The following NPAS3 variants were observed in gnomAD, a reference collection of about 807,000 sequenced individuals.
NPAS3 encodes neuronal PAS domain-containing protein 3.
In NPAS3, 14 loss-of-function variants were observed where a neutral mutation model predicts 73.1. That is an observed-to-expected ratio of 0.19 (90% CI 0.13 to 0.30). NPAS3 has a LOEUF of 0.30. Among genes scored for constraint, NPAS3 ranks in the 10% least tolerant of loss-of-function variants. The probability of loss-of-function intolerance (pLI) is 1.00; values close to 1 mark genes in which losing one functional copy is unlikely to be tolerated. For missense variants in NPAS3, 1,096 were observed against 1,250.0 expected, an observed-to-expected ratio of 0.88 and a Z score of 1.86; for synonymous variants, 620 against 541.5, an observed-to-expected ratio of 1.14 and a Z score of -2.01.
chr14:33,105,318 A>G (rs2042691848), intron 2 of NPAS3, among the ~76,000 whole-genome samples: 1 of 152,152 alleles, frequency 6.6e-6, no homozygotes, highest in Non-Finnish European at 1.5e-5. Context: ...TGACCTATTC[A>G]CTCCATTTTA....
At position 33,278,013 on chromosome 14, in the gene NPAS3, G is replaced by A. The variant is rs113815504; in HGVS notation, c.385+62587G>A. On this transcript the variant is annotated intron_variant, in intron 3 of 11. Transcript: ENST00000356141. ...AGAGAGAAGGGTGGCGTACACTAAG[G>A]TATGGTGAAGGGGGCGAGAAGGAAT... 4.9e-3 allele frequency among the ~76,000 whole-genome samples: 743 copies of A among 152,198 alleles called. 4 individuals carry two copies. Among genetic ancestry groups the A allele is most frequent in the African/African-American group, 0.017 (726 of 41,506 alleles).
Position 33,800,148 on chromosome 14 carries a change from G to A in NPAS3, c.1841G>A (p.Arg614His), listed in dbSNP as rs745539855. Residue 614 changes from arginine (R) to histidine (H), a missense_variant, in exon 12 of 12, where the codon CGC (arginine) becomes CAC (histidine). Around this residue, in one of 5 missense-constraint regions of NPAS3, gnomAD observed 698 missense variants for 676.7 expected, o/e 1.03. Coordinates refer to ENST00000356141, the Ensembl canonical transcript of NPAS3. The surrounding 1 kb of genome is among the most constrained non-coding windows in gnomAD (Gnocchi z 6.5). ...CGGCAAAAGGGCGGCAGCGCCAGCC[G>A]CCGGCGCCTGTCCAGCGCGTCGAGC... The A allele has an allele frequency of 8.8e-6, 14 of 1,594,492 alleles. No individual in the cohort carries two copies. Among genetic ancestry groups the A allele is most frequent in the South Asian group, 2.2e-5 (2 of 89,562 alleles).
At chr14:33,750,216 T>C (rs1379320992) in intron 7 of NPAS3, among the ~76,000 whole-genome samples, 6 of 120,824 alleles carry the variant, frequency 5.0e-5, no homozygotes, top group Non-Finnish European at 1.0e-4. Flanking sequence ...CAGCTATTCC[T>C]TTTTTTTTTT....
intron 2 of NPAS3, among the ~76,000 whole-genome samples, chr14:33,142,498 G>A (rs1359526834): frequency 6.6e-6 from 1 of 151,748 alleles, no homozygotes; most frequent in East Asian, 1.9e-4. Context: ...ATATGTCAGT[G>A]TTTGTATTCA....
At chr14:33,229,694 C>A (rs748238818) in intron 3 of NPAS3, among the ~76,000 whole-genome samples, 1 of 152,062 alleles carries the variant, frequency 6.6e-6, no homozygotes, top group Non-Finnish European at 1.5e-5. Context: ...TGGCTTTCTG[C>A]AAGCAATATT....
chr14:33,464,970 T>A (rs12879171), intron 4 of NPAS3, among the ~76,000 whole-genome samples: 255 of 152,312 alleles, frequency 1.7e-3, no homozygotes, highest in Non-Finnish European at 3.2e-3. Flanking sequence ...ATTATCATCA[T>A]GCCATGATGA....
chr14:33,286,277 A>C (rs981177035), intron 3 of NPAS3, among the ~76,000 whole-genome samples: 1 of 152,152 alleles, frequency 6.6e-6, no homozygotes, highest in Non-Finnish European at 1.5e-5. Flanking sequence ...AATTTCATAT[A>C]ATTATATCTC....
rs201283993 is a variant in NPAS3 at position 33,095,657 on chromosome 14, C to CTTTTTTTTTTTTTT, written c.140+39667_140+39668insTTTTTTTTTTTTTT. On this transcript the variant is annotated intron_variant, in intron 2 of 11. Coordinates refer to ENST00000356141, the Ensembl canonical transcript of NPAS3. ...TACACAAAGGCGTGGGCATTCTCTG[C>CTTTTTTTTTTTTTT]TTTTATTTTTTTATTTTTTTTTTTT... Among the ~76,000 whole-genome samples the CTTTTTTTTTTTTTT allele has an allele frequency of 5.4e-4, 53 of 97,666 alleles. 12 individuals carry two copies. The highest frequency in any genetic ancestry group is 1.2e-3 in the South Asian group (4 of 3,394). The allele number at this position is 97,666 out of a possible 152,430, so 64.1% of individuals were successfully genotyped here. A position where few individuals can be genotyped will look rare whatever the true frequency, so the allele number is the denominator to read the frequency against.
intron 4 of NPAS3, among the ~76,000 whole-genome samples, chr14:33,477,987 T>C (rs1173128053): frequency 6.6e-6 from 1 of 152,096 alleles, no homozygotes; most frequent in Admixed American, 6.5e-5. Context: ...TGAGCCAAGC[T>C]CTCCTGTTGT....
chr14:33,534,259 A>G (rs961546042), intron 4 of NPAS3, among the ~76,000 whole-genome samples: 3 of 151,588 alleles, frequency 2.0e-5, no homozygotes, highest in African/African-American at 7.3e-5. Flanking sequence ...TACTATTTCT[A>G]TGTATGAACC....
chr14:33,352,114 A>G (rs1439476614), intron 3 of NPAS3, among the ~76,000 whole-genome samples: 1 of 152,200 alleles, frequency 6.6e-6, no homozygotes, highest in East Asian at 1.9e-4. Context: ...GAGGAAGGGG[A>G]AAGGAGCTAA....
intron 4 of NPAS3, among the ~76,000 whole-genome samples, chr14:33,402,837 G>C (rs2047502458): frequency 6.6e-6 from 1 of 152,156 alleles, no homozygotes. Context: ...TCACTACAGA[G>C]AGGCACTGTT....
intron 1 of NPAS3, among the ~76,000 whole-genome samples, chr14:32,982,683 C>A (rs2037946037): frequency 6.6e-6 from 1 of 152,186 alleles, no homozygotes; most frequent in Non-Finnish European, 1.5e-5. Context: ...AAATTCAATA[C>A]ACTTATCTTC....
At chr14:33,576,902 C>A (rs970001103) in intron 5 of NPAS3, among the ~76,000 whole-genome samples, 1 of 152,178 alleles carries the variant, frequency 6.6e-6, no homozygotes, top group Non-Finnish European at 1.5e-5. Context: ...TTACATTGCC[C>A]CCTTTTGAGT....
chr14:33,386,177 A>G (rs376174582), intron 4 of NPAS3, among the ~76,000 whole-genome samples: 59 of 152,158 alleles, frequency 3.9e-4, no homozygotes, highest in African/African-American at 1.4e-3. Flanking sequence ...TATTTATTCT[A>G]TCATGGAGAT....
chr14:32,975,301 C>CCTCCCTGCCTCCGTCA (rs1555313383), intron 1 of NPAS3, among the ~76,000 whole-genome samples: 2,342 of 116,256 alleles, frequency 0.02, 66 homozygotes, highest in African/African-American at 0.069. Context: ...TCCCTCCCTC[C>CCTCCCTGCCTCCGTCA]CTCCCTGCCT....
chr14:33,558,914 A>G (rs775369746), intron 4 of NPAS3, among the ~76,000 whole-genome samples: 8 of 151,242 alleles, frequency 5.3e-5, no homozygotes, highest in Non-Finnish European at 4.4e-5. Flanking sequence ...GCATTTGTGC[A>G]ACTTACCTTG....
At chr14:33,550,916 C>T (rs576943055) in intron 4 of NPAS3, among the ~76,000 whole-genome samples, 6 of 152,270 alleles carry the variant, frequency 3.9e-5, no homozygotes, top group Admixed American at 1.3e-4. Context: ...ATTTTAAAAA[C>T]AATTCTAAGC....
At chr14:33,623,479 G>A (rs575295477) in intron 5 of NPAS3, among the ~76,000 whole-genome samples, 32 of 152,212 alleles carry the variant, frequency 2.1e-4, no homozygotes, top group African/African-American at 7.0e-4. Flanking sequence ...AGCCCTTCAC[G>A]GCTACCACTG....
Sources: allele counts gnomAD v4.1 joint callset (sites outside exome capture counted in the v4.1 genomes callset), GRCh38; gene constraint gnomAD v4.1.1; regional missense constraint gnomAD v4.1.1; non-coding constraint Gnocchi (gnomAD v3.1); transcripts MANE v1.5; gene names NCBI Gene and HGNC (gene_info 2026-07-23, HGNC 2026-07-21).